The following MTUS2 variants were observed in gnomAD, a reference collection of about 807,000 sequenced individuals.
MTUS2 encodes microtubule associated scaffold protein 2, also known as microtubule-associated tumor suppressor candidate 2.
A neutral mutation model predicts 114.1 loss-of-function variants in MTUS2; 40 were observed. The ratio of observed to expected loss-of-function variants is 0.35; its 90% CI spans 0.27 to 0.46. The LOEUF is 0.46. MTUS2 is among the 20% of genes least tolerant of loss of function. MTUS2 has a pLI of 1.00. For synonymous variants in MTUS2, 688 were observed against 672.0 expected, an observed-to-expected ratio of 1.02 and a Z score of -0.37; for missense variants, 1,679 against 1,705.4, an observed-to-expected ratio of 0.98 and a Z score of 0.27.
At chr13:29,373,956 G>A (rs7491422) in intron 8 of MTUS2, among the ~76,000 whole-genome samples, 30,904 of 152,078 alleles carry the variant, frequency 0.2, 3,213 homozygotes, top group Middle Eastern at 0.25. Flanking sequence ...AGCTATTGCA[G>A]AATGCTTCAG....
intron 5 of MTUS2, among the ~76,000 whole-genome samples, chr13:29,148,721 G>A (rs1405529007): frequency 1.1e-4 from 7 of 65,550 alleles, no homozygotes; most frequent in African/African-American, 1.6e-4. Flanking sequence ...CTCGTGATCC[G>A]CCCGCCTCGG....
chr13:29,405,641 C>T (rs770906824), intron 8 of MTUS2, among the ~76,000 whole-genome samples: 1 of 151,952 alleles, frequency 6.6e-6, no homozygotes, highest in Admixed American at 6.6e-5. Context: ...TTGCTACCAG[C>T]GAGATGCAAC....
At chr13:29,271,062 A>C (rs1213394539) in intron 5 of MTUS2, among the ~76,000 whole-genome samples, 1 of 152,250 alleles carries the variant, frequency 6.6e-6, no homozygotes, top group Admixed American at 6.5e-5. Context: ...CTTTATTTCA[A>C]ATTCTTCTGG....
At chr13:28,924,411 G>C (rs185301634) in intron 2 of MTUS2, among the ~76,000 whole-genome samples, 1 of 152,140 alleles carries the variant, frequency 6.6e-6, no homozygotes, top group Admixed American at 6.5e-5. Context: ...GAAAAGCTTT[G>C]AGAATGATCC....
chr13:28,898,934 A>G lies in MTUS2; in HGVS notation c.-243+59084A>G, dbSNP rs182545544. ...GCTTAAGGAAAATAAAATAACACAA[A>G]GACTCGATGAAGATGCGTACCTTTT... On this transcript the variant is annotated intron_variant, in intron 2 of 15. Coordinates refer to ENST00000612955, the MANE Select transcript of MTUS2 (RefSeq NM_001033602.4). 2.9e-3 allele frequency among the ~76,000 whole-genome samples: 441 copies of G among 152,312 alleles called. 1 individual carries two copies. Among genetic ancestry groups the G allele is most frequent in the Non-Finnish European group, 4.6e-3 (315 of 68,030 alleles).
chr13:29,244,416 A>G (rs1566087670), intron 5 of MTUS2, among the ~76,000 whole-genome samples: 1 of 152,124 alleles, frequency 6.6e-6, no homozygotes, highest in Non-Finnish European at 1.5e-5. Context: ...AGAGTTTTCA[A>G]CCATGGATCC....
At chr13:28,822,150 A>G (rs1383942129) in intron 1 of MTUS2, among the ~76,000 whole-genome samples, 1 of 152,260 alleles carries the variant, frequency 6.6e-6, no homozygotes, top group African/African-American at 2.4e-5. Context: ...TTTTAAGGTC[A>G]GAAAGAAACC....
Position 28,993,201 on chromosome 13 carries a change from T to C in MTUS2, c.-242-31256T>C, listed in dbSNP as rs189741048. ...TGACTAATGCTGCTGTAAACACAAG[T>C]ATACCAATATCTCTTTGAAACTCTG... On this transcript the variant is annotated intron_variant, in intron 2 of 15. Coordinates refer to ENST00000612955, the MANE Select transcript of MTUS2 (RefSeq NM_001033602.4). Among the ~76,000 whole-genome samples the C allele has an allele frequency of 4.1e-3, 631 of 152,366 alleles. 4 individuals carry two copies. The highest frequency in any genetic ancestry group is 6.5e-3 in the Admixed American group (99 of 15,302).
At chr13:28,919,579 A>G (rs906663846) in intron 2 of MTUS2, among the ~76,000 whole-genome samples, 2 of 152,034 alleles carry the variant, frequency 1.3e-5, no homozygotes, top group South Asian at 2.1e-4. Flanking sequence ...TTGGTGTTCT[A>G]TAACCTTCTT....
chr13:28,863,183 A>T (rs576328934), intron 2 of MTUS2, among the ~76,000 whole-genome samples: 1 of 152,164 alleles, frequency 6.6e-6, no homozygotes, highest in Non-Finnish European at 1.5e-5. Context: ...AAATTCAGGA[A>T]CTTTCTTCTG....
chr13:28,872,419 C>T (rs532073434), intron 2 of MTUS2, among the ~76,000 whole-genome samples: 15 of 152,162 alleles, frequency 9.9e-5, no homozygotes, highest in South Asian at 4.2e-4. Flanking sequence ...GACTGAGATC[C>T]GTATTAGGTG....
rs1476304846 is a variant in MTUS2, at chr13:28,966,368, C to T, written c.-242-58089C>T. On this transcript the variant is annotated intron_variant, in intron 2 of 15. Transcript: ENST00000612955. ...TTGCACATTCTTTGCTTTGGAAATA[C>T]TTAGATTTTGCACAAGTTCTTATTA... Among the ~76,000 whole-genome samples the T allele has an allele frequency of 2.5e-4, 38 of 152,106 alleles. 1 individual carries two copies. The highest frequency in any genetic ancestry group is 2.5e-3 in the Admixed American group (38 of 15,278).
At chr13:29,180,671 C>CCTA (rs1893961444) in intron 5 of MTUS2, among the ~76,000 whole-genome samples, 1 of 152,168 alleles carries the variant, frequency 6.6e-6, no homozygotes, top group Non-Finnish European at 1.5e-5. Context: ...TCACAGGTCA[C>CCTA]TGGCTAGGCT....
chr13:29,043,144 T>C (rs553570116), intron 4 of MTUS2, among the ~76,000 whole-genome samples: 2 of 152,264 alleles, frequency 1.3e-5, no homozygotes, highest in South Asian at 2.1e-4. Context: ...GTCACTGTTA[T>C]TCAGTTGAAA....
At position 29,420,940 on chromosome 13, in the gene MTUS2, A is replaced by C. The variant is rs751611491; in HGVS notation, c.3118-19043A>C. On this transcript the variant is annotated intron_variant, in intron 8 of 15. Coordinates refer to ENST00000612955, the MANE Select transcript of MTUS2 (RefSeq NM_001033602.4). The stretch of plus-strand genomic sequence containing the variant: ...GACAGGGAAAAAAAGATTATCTTAC[A>C]TCAGTAGCAACCTTCCTATTTGGGT... Among the ~76,000 whole-genome samples the C allele has an allele frequency of 5.7e-4, 87 of 152,368 alleles. 2 individuals are homozygous for C. Among genetic ancestry groups the C allele is most frequent in the Non-Finnish European group, 1.5e-4 (10 of 68,030 alleles).
chr13:29,056,742 T>C (rs1888152968), intron 4 of MTUS2, among the ~76,000 whole-genome samples: 1 of 152,138 alleles, frequency 6.6e-6, no homozygotes, highest in Non-Finnish European at 1.5e-5. Context: ...ATGTTGTTTA[T>C]TCTTTCAAAA....
intron 5 of MTUS2, among the ~76,000 whole-genome samples, chr13:29,149,628 T>G (rs9508296): frequency 0.39 from 59,552 of 152,106 alleles, 13,715 homozygotes; most frequent in Non-Finnish European, 0.48. Context: ...GCCTAGATTT[T>G]CTTCTAGGAT....
chr13:29,113,988 A>C (rs1890982911), intron 5 of MTUS2, among the ~76,000 whole-genome samples: 1 of 152,060 alleles, frequency 6.6e-6, no homozygotes, highest in Non-Finnish European at 1.5e-5. Flanking sequence ...TGGTCATTTC[A>C]AAATGTGTGA....
intron 6 of MTUS2, among the ~76,000 whole-genome samples, chr13:29,286,196 G>T (rs982746148): frequency 1.3e-5 from 2 of 152,242 alleles, no homozygotes; most frequent in African/African-American, 4.8e-5. Flanking sequence ...AAAGTGCTGG[G>T]ATTACAGGCA....
Sources: gnomAD v4.1 joint callset for allele counts (sites outside exome capture counted in the v4.1 genomes callset) on GRCh38, gnomAD v4.1.1 for gene constraint, MANE v1.5 for transcripts, NCBI Gene and HGNC (gene_info 2026-07-23, HGNC 2026-07-21) for gene names.